DNAH5: variants seen among roughly 807,000 people sequenced by gnomAD.
The protein encoded by DNAH5 is dynein axonemal heavy chain 5.
A neutral mutation model predicts 518.2 loss-of-function variants in DNAH5; 372 were observed. That is an observed-to-expected ratio of 0.72 (90% CI 0.66 to 0.78). DNAH5 has a LOEUF of 0.78. Ranked by LOEUF, DNAH5 falls within the 30% of genes least tolerant of loss-of-function variation. The pLI is 0.00. For missense variants in DNAH5, 5,523 were observed against 5,687.0 expected, an observed-to-expected ratio of 0.97 and a Z score of 0.93; for synonymous variants, 2,039 against 2,025.9, an observed-to-expected ratio of 1.01 and a Z score of -0.17.
intron 40 of DNAH5, among the ~76,000 whole-genome samples, chr5:13,821,433 C>CAATCTTTATAATAACATGATGGA (rs1009035549): frequency 1.1e-4 from 16 of 152,228 alleles, no homozygotes; most frequent in African/African-American, 3.9e-4. Context: ...ATTCTAAGAT[C>CAATCTTTATAATAACATGATGGA]AATCTTTATA....
chr5:13,728,378 A>G (rs1561124171), intron 69 of DNAH5, among the ~76,000 whole-genome samples: 4 of 152,220 alleles, frequency 2.6e-5, no homozygotes, highest in Non-Finnish European at 4.4e-5. Flanking sequence ...AAGGGTTCCA[A>G]TGTCTTTCTT....
chr5:14,010,151 T>C (rs1315394830), intron 1 of DNAH5, among the ~76,000 whole-genome samples: 1 of 152,190 alleles, frequency 6.6e-6, no homozygotes, highest in African/African-American at 2.4e-5. Context: ...TTGTAAACAT[T>C]TTCCCATGTT....
At position 13,914,674 on chromosome 5, in the gene DNAH5, C is replaced by T. The variant is rs780676124; in HGVS notation, c.1198-32G>A. The T allele has an allele frequency of 8.7e-6, 14 of 1,607,872 alleles. No individual in the cohort carries two copies. The South Asian group carries it at 1.3e-4, about 15-fold the overall frequency. On this transcript the variant is annotated intron_variant, in intron 9 of 78. Coordinates refer to ENST00000265104, the MANE Select transcript of DNAH5 (RefSeq NM_001369.3). The stretch of plus-strand genomic sequence containing the variant: ...TTTTCCAATAAAATGATGTTAAGCA[C>T]ATAAAACAGCCATGGATTGTAAACT...
At chr5:13,750,823 T>A (rs1383035841) in intron 65 of DNAH5, among the ~76,000 whole-genome samples, 6 of 152,204 alleles carry the variant, frequency 3.9e-5, no homozygotes, top group Admixed American at 3.9e-4. Flanking sequence ...TGATTCCTCG[T>A]AGTTTCATCA....
At chr5:13,882,343 T>A (rs540835440) in intron 21 of DNAH5, among the ~76,000 whole-genome samples, 1 of 146,062 alleles carries the variant, frequency 6.8e-6, no homozygotes, top group African/African-American at 2.5e-5. Flanking sequence ...GCTAGACACA[T>A]ACACTACAAT....
Position 13,701,431 on chromosome 5 carries a change from A to C in DNAH5, c.13344T>G (p.Ser4448=). 6.2e-7 allele frequency: 1 copy of C among 1,609,894 alleles called. No homozygotes were observed. Among genetic ancestry groups the C allele is most frequent in the Non-Finnish European group, 8.5e-7 (1 of 1,175,994 alleles). The stretch of plus-strand genomic sequence containing the variant: ...AGAAACCCAGTGTACTAGAAATCCA[A>C]GAAGCCTGCAATGAAGACATTAAAA... The part of the protein sequence containing the change: ...ARIPAWWKKA[S]WISSTLGFWF... The change falls in exon 77 of 79, where the codon TCT becomes TCG. Residue 4448 remains serine, a synonymous_variant. Transcript: ENST00000265104.
At chr5:14,007,684 A>G (rs1484608349) in intron 1 of DNAH5, among the ~76,000 whole-genome samples, 1 of 152,082 alleles carries the variant, frequency 6.6e-6, no homozygotes, top group Admixed American at 6.5e-5. Flanking sequence ...TTCTCAATAC[A>G]CTGACTCCAT....
At chr5:13,980,810 C>G (rs903000535) in intron 1 of DNAH5, among the ~76,000 whole-genome samples, 1 of 152,190 alleles carries the variant, frequency 6.6e-6, no homozygotes, top group African/African-American at 2.4e-5. Context: ...CAACTCCTAC[C>G]ACTTTTCCTC....
At chr5:13,804,514 C>T (rs1420553693) in intron 47 of DNAH5, among the ~76,000 whole-genome samples, 1 of 152,200 alleles carries the variant, frequency 6.6e-6, no homozygotes, top group Non-Finnish European at 1.5e-5. Flanking sequence ...CTGAAAATTA[C>T]AGTGAGAAAG....
intron 76 of DNAH5, among the ~76,000 whole-genome samples, chr5:13,703,602 A>T (rs1935246170): frequency 6.6e-6 from 1 of 152,072 alleles, no homozygotes; most frequent in African/African-American, 2.4e-5. Flanking sequence ...ATTCCATTTC[A>T]TTCCTCTGCT....
Position 13,901,533 on chromosome 5 carries a change from G to A in DNAH5, c.1771C>T (p.Leu591Phe). The A allele has an allele frequency of 1.2e-6, 2 of 1,613,410 alleles. No individual in the cohort carries two copies. The highest frequency in any genetic ancestry group is 1.7e-6 in the Non-Finnish European group (2 of 1,179,836). ...TCAGCCCCATAGTTCTCAAGGATAAGTTGATATTTGTCATCAATACCAAGA... is the reference window on the plus strand; with the variant it reads ...TCAGCCCCATAGTTCTCAAGGATAAATTGATATTTGTCATCAATACCAAGA... The part of the protein sequence containing the change: ...PNLGIDDKYQ[L>F]ILENYGADID... Residue 591 changes from leucine to phenylalanine, a missense_variant, in exon 14 of 79, where the codon CTT becomes TTT. This residue lies in a region of DNAH5 where 5,121 missense variants were observed against 5,223.3 expected (regional missense o/e 0.98). Transcript: ENST00000265104.
intron 14 of DNAH5, 143 bp from the exon 15 acceptor site, chr5:13,900,555 C>T: frequency 2.8e-6 from 2 of 719,098 alleles, no homozygotes; most frequent in Admixed American, 2.1e-5. Flanking sequence ...AGATCACTCA[C>T]TCTTCTCCTA....
chr5:13,944,391 T>C lies in DNAH5; in HGVS notation c.48A>G (p.Arg16=). 1 of 1,613,854 alleles carries C rather than the reference T, an allele frequency of 6.2e-7. No individual in the cohort carries two copies. Among genetic ancestry groups the C allele is most frequent in the South Asian group, 1.1e-5 (1 of 91,076 alleles). The change falls in exon 1 of 79, where the codon CGA becomes CGG. Residue 16 remains arginine (R), a synonymous_variant. Coordinates refer to ENST00000265104, the MANE Select transcript of DNAH5 (RefSeq NM_001369.3). The part of the protein sequence containing the change: ...RRQLWKHSVT[R]VLTQRLKGEK... ...GACAACAGCACCTTACCGTTAAAAC[T>C]CGAGTGACGCTATGCTTCCAGAGCT...
At chr5:13,703,295 C>A (rs908326059) in intron 76 of DNAH5, among the ~76,000 whole-genome samples, 1 of 152,174 alleles carries the variant, frequency 6.6e-6, no homozygotes, top group Non-Finnish European at 1.5e-5. Context: ...ACTTCACACA[C>A]ATCAACTCAT....
At chr5:13,984,090 A>G (rs339419) in intron 1 of DNAH5, among the ~76,000 whole-genome samples, 117,719 of 152,040 alleles carry the variant, frequency 0.77, 45,849 homozygotes, top group East Asian at 0.99. Flanking sequence ...GGAAGAGACA[A>G]GCAGGAGAGG....
intron 1 of DNAH5, among the ~76,000 whole-genome samples, chr5:13,987,203 G>A (rs1336917593): frequency 6.6e-6 from 1 of 151,912 alleles, no homozygotes; most frequent in East Asian, 1.9e-4. Flanking sequence ...GCCTTCCTGG[G>A]ATTGGACCCC....
In DNAH5 at chr5:13,914,447, A is replaced by G. The variant is rs13179761; in HGVS notation, c.1320+73T>C. ...ATCAACCAATGATATAATAATTACA[A>G]AATGATTTAAGATGGTCTCAACAAA... On this transcript the variant is annotated intron_variant, in intron 10 of 78. Coordinates refer to ENST00000265104, the MANE Select transcript of DNAH5 (RefSeq NM_001369.3). 594,881 of 1,505,992 alleles carry G rather than the reference A, an allele frequency of 0.4. 123,785 individuals are homozygous for G. The highest frequency in any genetic ancestry group is 0.84 in the East Asian group (36,826 of 43,746). 93.3% of individuals were successfully genotyped at this position (1,505,992 alleles called of 1,614,324 possible). A position where few individuals can be genotyped will look rare whatever the true frequency, so the allele number is the denominator to read the frequency against.
intron 76 of DNAH5, among the ~76,000 whole-genome samples, chr5:13,702,675 G>T (rs1013882519): frequency 6.6e-6 from 1 of 152,016 alleles, no homozygotes; most frequent in African/African-American, 2.4e-5. Flanking sequence ...AAGATGAGAA[G>T]GAAATAAAGG....
At chr5:13,876,236 C>T (rs1364143498) in intron 22 of DNAH5, among the ~76,000 whole-genome samples, 2 of 152,118 alleles carry the variant, frequency 1.3e-5, no homozygotes, top group African/African-American at 2.4e-5. Flanking sequence ...TCAGTTTCAT[C>T]TAATTTCTAT....
Sources: allele counts gnomAD v4.1 joint callset (sites outside exome capture counted in the v4.1 genomes callset), GRCh38; gene constraint gnomAD v4.1.1; regional missense constraint gnomAD v4.1.1; transcripts MANE v1.5; gene names NCBI Gene and HGNC (gene_info 2026-07-23, HGNC 2026-07-21).